The following SLC16A7 variants were observed in gnomAD, a reference collection of about 807,000 sequenced individuals.
SLC16A7 encodes solute carrier family 16 member 7, also known as monocarboxylate transporter 2.
SLC16A7 carries 33 observed loss-of-function variants against 34.9 expected under a neutral mutation model. The ratio of observed to expected loss-of-function variants is 0.94; its 90% CI spans 0.72 to 1.26. SLC16A7 has a LOEUF of 1.26. Among genes scored for constraint, SLC16A7 ranks in the 50% most tolerant of loss-of-function variants. SLC16A7 has a pLI of 0.00. For missense variants in SLC16A7, 573 were observed against 578.1 expected, an observed-to-expected ratio of 0.99 and a Z score of 0.09; for synonymous variants, 201 against 206.6, an observed-to-expected ratio of 0.97 and a Z score of 0.23.
intron 3 of SLC16A7, among the ~76,000 whole-genome samples, chr12:59,746,656 G>A (rs749278868): frequency 3.3e-5 from 5 of 152,064 alleles, no homozygotes; most frequent in Non-Finnish European, 7.4e-5. Flanking sequence ...TTCCAAATAG[G>A]CTGTCCTCTC....
chr12:59,622,275 G>A (rs142258150), intron 1 of SLC16A7, among the ~76,000 whole-genome samples: 11 of 151,854 alleles, frequency 7.2e-5, no homozygotes, highest in African/African-American at 2.7e-4. Context: ...AAAAAACGTA[G>A]GTTGTTGTTC....
At chr12:59,647,816 G>C (rs1006210282) in intron 1 of SLC16A7, among the ~76,000 whole-genome samples, 1 of 152,056 alleles carries the variant, frequency 6.6e-6, no homozygotes, top group Non-Finnish European at 1.5e-5. Flanking sequence ...GTCTAGTTGG[G>C]AGGATCGCTT....
intron 2 of SLC16A7, among the ~76,000 whole-genome samples, chr12:59,686,303 A>G (rs1871165028): frequency 6.6e-6 from 1 of 151,990 alleles, no homozygotes; most frequent in Non-Finnish European, 1.5e-5. Flanking sequence ...GAATCAAAGT[A>G]TGGGAGCTCA....
At position 59,628,722 on chromosome 12, in the gene SLC16A7, C is replaced by A. The variant is rs145345786; in HGVS notation, c.-129-26430C>A. 2.1e-3 allele frequency among the ~76,000 whole-genome samples: 322 copies of A among 151,762 alleles called. 1 individual carries two copies. The highest frequency in any genetic ancestry group is 0.017 in the Middle Eastern group (5 of 294). On this transcript the variant is annotated intron_variant, in intron 1 of 5. Coordinates refer to ENST00000547379, the MANE Select transcript of SLC16A7 (RefSeq NM_001270623.2). The stretch of plus-strand genomic sequence containing the variant: ...GTCCAGTACCTAGTTCAGGGCCTGG[C>A]ATATGAAAGGTTCTTAATTACTGAC...
Position 59,771,213 on chromosome 12 carries a change from C to T in SLC16A7, c.218-6C>T. 6.2e-7 allele frequency: 1 copy of T among 1,610,096 alleles called. No individual in the cohort carries two copies. Among genetic ancestry groups the T allele is most frequent in the Non-Finnish European group, 8.5e-7 (1 of 1,178,138 alleles). ...TGAGTATTTCTTTATCTCCTCTCTG[C>T]TGTAGGTCCTGTAAGTAGTGTTTTG... On this transcript the variant is annotated splice_polypyrimidine_tract_variant and splice_region_variant and intron_variant, in intron 3 of 5. Coordinates refer to ENST00000547379, the MANE Select transcript of SLC16A7 (RefSeq NM_001270623.2).
rs531283061 is a variant in SLC16A7 at position 59,781,289 on chromosome 12, T to A, written c.*1610T>A. The A allele has an allele frequency of 4.6e-5, 7 of 152,668 alleles. No homozygotes were observed. In the South Asian group the frequency reaches 1.4e-3, roughly 32 times the overall value. The allele number at this position is 152,668 out of a possible 1,614,324, so 9.5% of individuals were successfully genotyped here. On this transcript the variant is annotated 3_prime_UTR_variant, in exon 6 of 6. Coordinates refer to ENST00000547379, the MANE Select transcript of SLC16A7 (RefSeq NM_001270623.2). ...TCTATAAATCTGAAGTTTAACATGATTAATTTAAAAAGTATTTAGTGCTTG... is the reference window on the plus strand; with the variant it reads ...TCTATAAATCTGAAGTTTAACATGAATAATTTAAAAAGTATTTAGTGCTTG...
At chr12:59,743,430 A>T (rs1398539274) in intron 3 of SLC16A7, among the ~76,000 whole-genome samples, 2 of 152,214 alleles carry the variant, frequency 1.3e-5, no homozygotes, top group Non-Finnish European at 2.9e-5. Flanking sequence ...CTTACATGAC[A>T]TGCTTTGCAT....
rs949712496 is a variant in SLC16A7 at position 59,786,935 on chromosome 12, G to A, written c.*7256G>A. The A allele has an allele frequency of 2.0e-5, 3 of 151,940 alleles. No individual in the cohort carries two copies. The highest frequency in any genetic ancestry group is 6.6e-5 in the Admixed American group (1 of 15,250). The allele number at this position is 151,940 out of a possible 1,614,324, so 9.4% of individuals were successfully genotyped here. A position where few individuals can be genotyped will look rare whatever the true frequency, so the allele number is the denominator to read the frequency against. On this transcript the variant is annotated 3_prime_UTR_variant, in exon 6 of 6. Coordinates refer to ENST00000547379, the MANE Select transcript of SLC16A7 (RefSeq NM_001270623.2). ...CAAATGAATATATTTTTCCAATCAT[G>A]GTTTGCAAAATCATGTTTGCAAACT... is the stretch of plus-strand genomic sequence containing the variant.
rs12367883 is a variant in SLC16A7, at chr12:59,702,282, A to G, written c.-30-2490A>G. ...TTCAAAGATACTATTTCCAATGCAC[A>G]TGTGCTGTAAACTCATCATGTTAGG... On this transcript the variant is annotated intron_variant, in intron 2 of 5. Transcript: ENST00000547379. 6.0e-3 allele frequency among the ~76,000 whole-genome samples: 915 copies of G among 152,044 alleles called. 3 individuals carry two copies. The highest frequency in any genetic ancestry group is 0.014 in the Middle Eastern group (4 of 294).
At chr12:59,625,586 C>T (rs1011143189) in intron 1 of SLC16A7, among the ~76,000 whole-genome samples, 1 of 151,710 alleles carries the variant, frequency 6.6e-6, no homozygotes, top group African/African-American at 2.4e-5. Context: ...TACTACCTAC[C>T]ACATAGTTGT....
chr12:59,612,991 C>A (rs1847954317), intron 1 of SLC16A7, among the ~76,000 whole-genome samples: 1 of 152,204 alleles, frequency 6.6e-6, no homozygotes, highest in African/African-American at 2.4e-5. Context: ...AAAGTCGCTT[C>A]CACATATTTG....
chr12:59,762,582 T>G (rs1489851174), intron 3 of SLC16A7, among the ~76,000 whole-genome samples: 1 of 152,152 alleles, frequency 6.6e-6, no homozygotes, highest in Non-Finnish European at 1.5e-5. Flanking sequence ...TTGAATTTTC[T>G]TTCTACTACA....
chr12:59,747,737 T>G (rs2711649), intron 3 of SLC16A7, among the ~76,000 whole-genome samples: 65,889 of 152,128 alleles, frequency 0.43, 15,593 homozygotes, highest in African/African-American at 0.63. Context: ...GGGTAGGGTA[T>G]GGTTGTATAA....
chr12:59,718,129 C>A (rs928797910), intron 3 of SLC16A7, among the ~76,000 whole-genome samples: 27 of 152,244 alleles, frequency 1.8e-4, no homozygotes, highest in Non-Finnish European at 3.5e-4. Context: ...GCTATATATA[C>A]AAGTACTAGT....
At chr12:59,744,368 A>G (rs1450869493) in intron 3 of SLC16A7, among the ~76,000 whole-genome samples, 1 of 152,112 alleles carries the variant, frequency 6.6e-6, no homozygotes, top group East Asian at 1.9e-4. Flanking sequence ...TTGACTTCAG[A>G]GTGACGGCTT....
At chr12:59,655,568 A>G (rs1868492348) in intron 2 of SLC16A7, among the ~76,000 whole-genome samples, 1 of 151,904 alleles carries the variant, frequency 6.6e-6, no homozygotes, top group Admixed American at 6.6e-5. Context: ...TAATAGAATT[A>G]TATTCTATTT....
At chr12:59,670,007 C>A (rs890057988) in intron 2 of SLC16A7, among the ~76,000 whole-genome samples, 4 of 152,232 alleles carry the variant, frequency 2.6e-5, no homozygotes, top group Admixed American at 2.6e-4. Flanking sequence ...TAATTGAAAA[C>A]AACAGAAATT....
intron 2 of SLC16A7, among the ~76,000 whole-genome samples, chr12:59,673,846 C>T (rs979674698): frequency 6.6e-6 from 1 of 152,028 alleles, no homozygotes; most frequent in African/African-American, 2.4e-5. Context: ...TGTTAGTTCT[C>T]CAAGGATATC....
At chr12:59,682,076 A>G (rs952226897) in intron 2 of SLC16A7, among the ~76,000 whole-genome samples, 1 of 152,198 alleles carries the variant, frequency 6.6e-6, no homozygotes, top group Middle Eastern at 3.2e-3. Context: ...AAAACTTTTG[A>G]TAAGACTAAA....
Sources: gnomAD v4.1 joint callset for allele counts (sites outside exome capture counted in the v4.1 genomes callset) on GRCh38, gnomAD v4.1.1 for gene constraint, MANE v1.5 for transcripts, NCBI Gene and HGNC (gene_info 2026-07-23, HGNC 2026-07-21) for gene names.